PTPRF: variants seen among roughly 807,000 people sequenced by gnomAD.
The protein encoded by PTPRF is receptor-type tyrosine-protein phosphatase F.
Under a neutral mutation model 201.8 loss-of-function variants are expected in PTPRF, and 59 were observed. The observed-to-expected ratio is 0.29, with a 90% confidence interval of 0.24 to 0.36. PTPRF has a LOEUF of 0.36. Among genes scored for constraint, PTPRF ranks in the 10% least tolerant of loss-of-function variants. The pLI, the probability that PTPRF is intolerant of heterozygous loss-of-function variation, is 1.00. For synonymous variants in PTPRF, 1,088 were observed against 1,089.7 expected (o/e 1.00, Z 0.03); for missense variants, 2,132 against 2,690.5 (o/e 0.79, Z 4.59).
In PTPRF at chr1:43,622,679, C is replaced by G. The variant is rs1026528622; in HGVS notation, c.*676C>G. On this transcript the variant is annotated 3_prime_UTR_variant, in exon 34 of 34. Transcript: ENST00000359947. ...TTAAGTTTTGTTTTCCCTTTAAAGC[C>G]TTTTTTTAGGCCACATTGACAGTGG... 1 of 152,466 alleles carries G rather than the reference C, an allele frequency of 6.6e-6. No individual in the cohort carries two copies. Among genetic ancestry groups the G allele is most frequent in the South Asian group, 2.1e-4 (1 of 4,826 alleles). 9.4% of individuals were successfully genotyped at this position (152,466 alleles called of 1,614,324 possible).
chr1:43,600,785 C>G (rs3791146), intron 13 of PTPRF, among the ~76,000 whole-genome samples: 39,525 of 151,992 alleles, frequency 0.26, 6,092 homozygotes, highest in East Asian at 0.48. Flanking sequence ...TTGTCTTGCT[C>G]TTTCTCTTCT....
At position 43,546,707 on chromosome 1, in the gene PTPRF, C is replaced by T. The variant is rs1449083046; in HGVS notation, c.91+1541C>T. On this transcript the variant is annotated intron_variant, in intron 3 of 33. Transcript: ENST00000359947. This position sits in a 1 kb window ranked among gnomAD's most constrained non-coding sequence, Gnocchi z 4.2. ...TCCTCCTCCTGCCTCAGACCCAACG[C>T]GCCCCAACCTGTACCCCTCACTCTC... Among the ~76,000 whole-genome samples, 4 of 152,080 alleles carry T rather than the reference C, an allele frequency of 2.6e-5. No individual in the cohort carries two copies. In the South Asian group the frequency reaches 6.2e-4, roughly 24 times the overall value.
chr1:43,611,105 C>T (rs752223859), intron 22 of PTPRF, among the ~76,000 whole-genome samples: 1 of 152,248 alleles, frequency 6.6e-6, no homozygotes, highest in East Asian at 1.9e-4. Context: ...AGCTCTGAGC[C>T]TTGCTGTGGC....
Position 43,553,921 on chromosome 1 carries a change from C to T in PTPRF, c.359C>T (p.Ala120Val). The part of the protein sequence containing the change: ...TNSLGEINTS[A>V]KLSVLEEEQL... ...AGCCTGGGTGAGATCAACACTAGTGCCAAGCTCTCAGTGCTCGAAGGTACG... is the reference window on the plus strand; with the variant it reads ...AGCCTGGGTGAGATCAACACTAGTGTCAAGCTCTCAGTGCTCGAAGGTACG... Residue 120 changes from alanine to valine, a missense_variant, in exon 5 of 34, where the codon GCC becomes GTC. Ala to Val is a moderately conservative substitution (Grantham distance 64). This residue lies in a region of PTPRF where 297 missense variants were observed against 454.0 expected (regional missense o/e 0.65). Coordinates refer to ENST00000359947, the MANE Select transcript of PTPRF (RefSeq NM_002840.5). The surrounding 1 kb of genome is among the most constrained non-coding windows in gnomAD (Gnocchi z 4.1). The T allele has an allele frequency of 6.2e-7, 1 of 1,614,166 alleles. No homozygotes were observed.
intron 6 of PTPRF, among the ~76,000 whole-genome samples, chr1:43,571,975 C>T (rs1646603131): frequency 6.6e-6 from 1 of 152,252 alleles, no homozygotes; most frequent in Admixed American, 6.5e-5. Context: ...ATGGCCTGGC[C>T]TCTGGTAAGG....
intron 11 of PTPRF, among the ~76,000 whole-genome samples, chr1:43,595,782 G>A (rs965628414): frequency 6.6e-6 from 1 of 152,272 alleles, no homozygotes; most frequent in Non-Finnish European, 1.5e-5. Context: ...GGGAGCTGCT[G>A]TGAAAGCCTG....
At chr1:43,536,928 C>G (rs1481488586) in intron 1 of PTPRF, among the ~76,000 whole-genome samples, 1 of 152,158 alleles carries the variant, frequency 6.6e-6, no homozygotes, top group Non-Finnish European at 1.5e-5. Flanking sequence ...GAGGGTAATT[C>G]CCAGGTGCAG....
At chr1:43,547,129 A>G (rs920275547) in intron 3 of PTPRF, among the ~76,000 whole-genome samples, 5 of 152,112 alleles carry the variant, frequency 3.3e-5, no homozygotes, top group East Asian at 3.9e-4. Context: ...TAACCCTTCT[A>G]TAGGCCCTGC....
chr1:43,596,320 A>T (rs928108044), intron 11 of PTPRF, among the ~76,000 whole-genome samples: 1 of 152,142 alleles, frequency 6.6e-6, no homozygotes, highest in Admixed American at 6.5e-5. Flanking sequence ...GGGCATGACC[A>T]CAGCTGTGCA....
chr1:43,591,626 C>G (rs1425290800), intron 9 of PTPRF, 73 bp downstream of exon 9: 1 of 1,469,412 alleles, frequency 6.8e-7, no homozygotes. Flanking sequence ...GTGCCTTTCC[C>G]CCTCCCTCGG....
upstream of PTPRF, among the ~76,000 whole-genome samples, chr1:43,529,304 G>A (rs1643255939): frequency 6.6e-6 from 1 of 152,082 alleles, no homozygotes; most frequent in Non-Finnish European, 1.5e-5. Context: ...TACGCCAGGG[G>A]GCGCACACGC....
intron 17 of PTPRF, 94 bp from the exon 18 acceptor site, chr1:43,605,096 C>G: frequency 3.2e-6 from 5 of 1,575,448 alleles, no homozygotes; most frequent in Non-Finnish European, 4.3e-6. Context: ...GGCTGTGGAG[C>G]AGGAATGTGG....
At chr1:43,604,232 A>C in intron 16 of PTPRF, 43 bp downstream of exon 16, 1 of 1,583,214 alleles carries the variant, frequency 6.3e-7, no homozygotes, top group Non-Finnish European at 8.6e-7. Flanking sequence ...GTGTGGCTGC[A>C]TCTGGGGGTC....
chr1:43,532,286 G>T (rs1279367567), intron 1 of PTPRF, among the ~76,000 whole-genome samples: 1 of 152,168 alleles, frequency 6.6e-6, no homozygotes, highest in Non-Finnish European at 1.5e-5. Context: ...CCCAGTGCAC[G>T]GCCCCTGAGT....
At chr1:43,541,133 C>T (rs1022837853) in intron 2 of PTPRF, among the ~76,000 whole-genome samples, 3 of 152,254 alleles carry the variant, frequency 2.0e-5, no homozygotes, top group African/African-American at 4.8e-5. Context: ...CTGGATACCC[C>T]TCCTTCTGCT....
intron 22 of PTPRF, chr1:43,613,068 C>T: frequency 2.8e-6 from 1 of 356,122 alleles, no homozygotes; most frequent in Non-Finnish European, 5.5e-6. Context: ...TGACACCCTT[C>T]CTTCTGCGTG....
At chr1:43,562,687 C>T (rs1455469538) in intron 5 of PTPRF, among the ~76,000 whole-genome samples, 4 of 152,032 alleles carry the variant, frequency 2.6e-5, no homozygotes, top group Non-Finnish European at 4.4e-5. Context: ...GCTGGGATTA[C>T]AGGCATGAGC....
chr1:43,582,828 C>T (rs906340360), intron 7 of PTPRF, among the ~76,000 whole-genome samples: 3 of 152,330 alleles, frequency 2.0e-5, no homozygotes, highest in East Asian at 1.9e-4. Flanking sequence ...GCCTCCCTGG[C>T]GCCTGCTGGC....
intron 6 of PTPRF, among the ~76,000 whole-genome samples, chr1:43,577,378 C>G (rs950442161): frequency 1.3e-5 from 2 of 152,132 alleles, no homozygotes; most frequent in Admixed American, 1.3e-4. Context: ...CCCTGGTGCT[C>G]CCTGGCATCT....
Sources: allele counts gnomAD v4.1 joint callset (sites outside exome capture counted in the v4.1 genomes callset), GRCh38; gene constraint gnomAD v4.1.1; regional missense constraint gnomAD v4.1.1; non-coding constraint Gnocchi (gnomAD v3.1); transcripts MANE v1.5; gene names NCBI Gene and HGNC (gene_info 2026-07-23, HGNC 2026-07-21).